The following EYS variants were observed in gnomAD, a reference collection of about 807,000 sequenced individuals.
EYS encodes protein eyes shut homolog.
In EYS, 250 loss-of-function variants were observed where a neutral mutation model predicts 282.1. That is an observed-to-expected ratio of 0.89 (90% CI 0.80 to 0.98). The LOEUF (loss-of-function observed/expected upper bound fraction) is 0.98. Among genes scored for constraint, EYS ranks in the 50% least tolerant of loss-of-function variants. The pLI is 0.00. For missense variants in EYS, 4,016 were observed against 3,709.0 expected (o/e 1.08, Z -2.15); for synonymous variants, 1,355 against 1,282.9 (o/e 1.06, Z -1.20).
intron 39 of EYS, chr6:63,779,270 A>G: frequency 6.6e-6 from 1 of 152,092 alleles, no homozygotes; most frequent in Non-Finnish European, 1.5e-5. Flanking sequence ...CATCCTGGCT[A>G]ACATGGTGAA....
chr6:63,959,993 T>C (rs1276991061), intron 35 of EYS, among the ~76,000 whole-genome samples: 1 of 151,902 alleles, frequency 6.6e-6, no homozygotes, highest in Non-Finnish European at 1.5e-5. Flanking sequence ...ACCTGCATGT[T>C]CTCCACATGT....
intron 30 of EYS, among the ~76,000 whole-genome samples, chr6:64,265,100 C>CCTCT (rs374267381): frequency 1.3e-5 from 2 of 151,638 alleles, no homozygotes; most frequent in South Asian, 4.2e-4. Flanking sequence ...TGTTTACCCC[C>CCTCT]AAAATTTAAG....
intron 41 of EYS, among the ~76,000 whole-genome samples, chr6:63,760,630 ATATG>A (rs533168681): frequency 6.8e-6 from 1 of 147,920 alleles, no homozygotes; most frequent in African/African-American, 2.5e-5. Context: ...ATCTATGTAC[ATATG>A]TATGTATGTA....
chr6:65,447,567 C>G (rs972049291), intron 5 of EYS, among the ~76,000 whole-genome samples: 3 of 143,950 alleles, frequency 2.1e-5, no homozygotes, highest in Non-Finnish European at 4.7e-5. Context: ...TTCATGTGCT[C>G]TTTGTATTTT....
chr6:65,513,263 A>T (rs1366855043), intron 2 of EYS, among the ~76,000 whole-genome samples: 1 of 152,158 alleles, frequency 6.6e-6, no homozygotes, highest in Non-Finnish European at 1.5e-5. Context: ...CTCTGAATAG[A>T]CCAATAACAG....
At chr6:64,048,182 C>G (rs145396114) in intron 33 of EYS, among the ~76,000 whole-genome samples, 4 of 152,012 alleles carry the variant, frequency 2.6e-5, no homozygotes, top group African/African-American at 9.7e-5. Context: ...CTGGGATTAC[C>G]GGTGTAAGCC....
chr6:64,753,061 A>T (rs1168921651), intron 22 of EYS, among the ~76,000 whole-genome samples: 1 of 152,180 alleles, frequency 6.6e-6, no homozygotes, highest in Non-Finnish European at 1.5e-5. Context: ...AAGGAAATTC[A>T]TCACTATTAG....
At chr6:64,760,955 G>A (rs78374524) in intron 22 of EYS, among the ~76,000 whole-genome samples, 2,936 of 152,258 alleles carry the variant, frequency 0.019, 86 homozygotes, top group East Asian at 0.15. Context: ...AGAAGGAGTA[G>A]GAAGGAAGTA....
At chr6:64,348,331 A>T (rs1253316995) in intron 29 of EYS, among the ~76,000 whole-genome samples, 1 of 151,506 alleles carries the variant, frequency 6.6e-6, no homozygotes, top group Non-Finnish European at 1.5e-5. Context: ...TACATATGTA[A>T]GGTCTTCAAG....
intron 28 of EYS, among the ~76,000 whole-genome samples, chr6:64,422,169 TGACA>T (rs908951066): frequency 1.1e-4 from 16 of 152,156 alleles, no homozygotes; most frequent in Admixed American, 2.6e-4. Flanking sequence ...GACAGATAGA[TGACA>T]GACAGATAGA....
At chr6:64,016,688 C>T (rs145967792) in intron 33 of EYS, among the ~76,000 whole-genome samples, 90 of 152,136 alleles carry the variant, frequency 5.9e-4, no homozygotes, top group African/African-American at 1.9e-3. Flanking sequence ...GCTGCCAAGG[C>T]TGGCCTCAAA....
At chr6:65,278,879 A>G (rs1012411421) in intron 12 of EYS, among the ~76,000 whole-genome samples, 4 of 152,086 alleles carry the variant, frequency 2.6e-5, no homozygotes, top group Admixed American at 1.3e-4. Flanking sequence ...AGAGGGTCCT[A>G]TGAGGTGTTA....
At chr6:64,794,280 A>G (rs1774282821) in intron 22 of EYS, among the ~76,000 whole-genome samples, 1 of 152,170 alleles carries the variant, frequency 6.6e-6, no homozygotes, top group African/African-American at 2.4e-5. Context: ...TAGCTGTGGA[A>G]ACAATTTAAA....
intron 2 of EYS, among the ~76,000 whole-genome samples, chr6:65,629,633 A>G (rs1766843272): frequency 6.6e-6 from 1 of 152,046 alleles, no homozygotes; most frequent in Non-Finnish European, 1.5e-5. Context: ...ATCTCCACAC[A>G]TCAGTCCACT....
At chr6:64,749,338 AC>A (rs1387999915) in intron 22 of EYS, among the ~76,000 whole-genome samples, 11 of 152,228 alleles carry the variant, frequency 7.2e-5, no homozygotes, top group Admixed American at 2.0e-4. Context: ...AGACCTTGTT[AC>A]AACACTCAGA....
At chr6:63,780,890 T>G (rs1770204997) in intron 39 of EYS, among the ~76,000 whole-genome samples, 1 of 152,260 alleles carries the variant, frequency 6.6e-6, no homozygotes, top group Non-Finnish European at 1.5e-5. Context: ...AGGTCTAACA[T>G]TTAAGTCTTC....
At chr6:64,685,444 G>A (rs765748220) in intron 22 of EYS, among the ~76,000 whole-genome samples, 1 of 152,166 alleles carries the variant, frequency 6.6e-6, no homozygotes, top group Non-Finnish European at 1.5e-5. Flanking sequence ...TTTGGGTCAT[G>A]GGGGTAGATC....
chr6:65,553,001 C>A (rs192244625), intron 2 of EYS, among the ~76,000 whole-genome samples: 3 of 152,122 alleles, frequency 2.0e-5, no homozygotes, highest in African/African-American at 7.2e-5. Context: ...TTCAAATCGG[C>A]ACTTTGGTTT....
chr6:63,852,873 A>C (rs1214324398), intron 36 of EYS, among the ~76,000 whole-genome samples: 1 of 152,192 alleles, frequency 6.6e-6, no homozygotes, highest in East Asian at 1.9e-4. Flanking sequence ...CAGAACCAAT[A>C]ACAAAAAACC....
Sources: gnomAD v4.1 joint callset for allele counts (sites outside exome capture counted in the v4.1 genomes callset) on GRCh38, gnomAD v4.1.1 for gene constraint, MANE v1.5 for transcripts, NCBI Gene and HGNC (gene_info 2026-07-23, HGNC 2026-07-21) for gene names.